The following DYNC1I1 variants were observed in gnomAD, a reference collection of about 807,000 sequenced individuals.
DYNC1I1 encodes dynein cytoplasmic 1 intermediate chain 1, also known as cytoplasmic dynein 1 intermediate chain 1.
Under a neutral mutation model 86.6 loss-of-function variants are expected in DYNC1I1, and 43 were observed. The ratio of observed to expected loss-of-function variants is 0.50; its 90% CI spans 0.39 to 0.64. The LOEUF (loss-of-function observed/expected upper bound fraction) is 0.64. Among genes scored for constraint, DYNC1I1 ranks in the 30% least tolerant of loss-of-function variants. DYNC1I1 has a pLI of 0.00. For synonymous variants in DYNC1I1, 262 were observed against 283.7 expected (o/e 0.92, Z 0.77); for missense variants, 604 against 788.8 (o/e 0.77, Z 2.81).
At chr7:96,016,038 A>C (rs1394274247) in intron 10 of DYNC1I1, among the ~76,000 whole-genome samples, 1 of 152,120 alleles carries the variant, frequency 6.6e-6, no homozygotes, top group African/African-American at 2.4e-5. Flanking sequence ...CAGATAGAAA[A>C]AGACAAATCT....
intron 6 of DYNC1I1, among the ~76,000 whole-genome samples, chr7:95,891,010 A>C (rs1790722960): frequency 6.6e-6 from 1 of 152,210 alleles, no homozygotes; most frequent in South Asian, 2.1e-4. Context: ...GTGTTTAAAG[A>C]TAGGGTCCTT....
intron 14 of DYNC1I1, among the ~76,000 whole-genome samples, chr7:96,066,201 T>A (rs954364531): frequency 3.9e-5 from 6 of 152,208 alleles, no homozygotes; most frequent in Middle Eastern, 3.4e-3. Flanking sequence ...CTTAACCAGG[T>A]TTTTGCATGT....
chr7:95,841,972 C>A (rs4146532), intron 5 of DYNC1I1, among the ~76,000 whole-genome samples: 2 of 152,108 alleles, frequency 1.3e-5, no homozygotes, highest in East Asian at 1.9e-4. Flanking sequence ...GTGCTGGGCC[C>A]CATTGGCTTC....
chr7:95,796,418 T>A (rs1361840693), intron 1 of DYNC1I1, among the ~76,000 whole-genome samples: 1 of 152,164 alleles, frequency 6.6e-6, no homozygotes, highest in African/African-American at 2.4e-5. Flanking sequence ...CAAGTGATTC[T>A]CCTGCCTCAG....
Position 95,985,992 on chromosome 7 carries a change from G to C in DYNC1I1, c.743+1015G>C, listed in dbSNP as rs140419456. Among the ~76,000 whole-genome samples, 466 of 148,006 alleles carry C rather than the reference G, an allele frequency of 3.1e-3. 1 individual carries two copies. Among genetic ancestry groups the C allele is most frequent in the Non-Finnish European group, 5.3e-3 (361 of 67,494 alleles). The stretch of plus-strand genomic sequence containing the variant: ...TGGTCCTATTTCCCTCTGTGTGCCT[G>C]GCTCAGTATTATCCTAGGCTCCTGG... On this transcript the variant is annotated intron_variant, in intron 8 of 16. Coordinates refer to ENST00000447467, the MANE Select transcript of DYNC1I1 (RefSeq NM_001135556.2).
At chr7:95,831,535 A>T (rs917958083) in intron 5 of DYNC1I1, among the ~76,000 whole-genome samples, 3 of 152,134 alleles carry the variant, frequency 2.0e-5, no homozygotes, top group African/African-American at 7.2e-5. Context: ...CAGAAAAGGG[A>T]CTGTTAGATA....
chr7:95,980,113 C>T (rs192178021), intron 7 of DYNC1I1, among the ~76,000 whole-genome samples: 4 of 152,210 alleles, frequency 2.6e-5, no homozygotes, highest in Admixed American at 6.5e-5. Flanking sequence ...AAGTTCCAAG[C>T]GAAAACACCC....
chr7:95,951,194 G>A (rs959724577), intron 6 of DYNC1I1, among the ~76,000 whole-genome samples: 3 of 152,164 alleles, frequency 2.0e-5, no homozygotes, highest in East Asian at 1.9e-4. Flanking sequence ...TTTCTTCAGC[G>A]AGGCTCCAGC....
At chr7:96,005,137 G>A (rs1018935422) in intron 10 of DYNC1I1, among the ~76,000 whole-genome samples, 6 of 152,080 alleles carry the variant, frequency 3.9e-5, no homozygotes, top group Non-Finnish European at 4.4e-5. Flanking sequence ...TATGGGATTC[G>A]ACAGCCAATT....
intron 6 of DYNC1I1, among the ~76,000 whole-genome samples, chr7:95,975,421 T>A (rs561847882): frequency 1.3e-5 from 2 of 152,288 alleles, no homozygotes; most frequent in East Asian, 3.9e-4. Context: ...CTCTTTGGTG[T>A]TCCTTGGCTT....
At chr7:96,074,212 C>T (rs766731676) in intron 14 of DYNC1I1, among the ~76,000 whole-genome samples, 1 of 152,178 alleles carries the variant, frequency 6.6e-6, no homozygotes, top group Non-Finnish European at 1.5e-5. Flanking sequence ...ACTATATCCA[C>T]ATAGTGGCCC....
intron 6 of DYNC1I1, among the ~76,000 whole-genome samples, chr7:95,955,708 C>T (rs781257660): frequency 1.3e-5 from 2 of 152,098 alleles, no homozygotes; most frequent in Non-Finnish European, 2.9e-5. Context: ...AAATTTCAAA[C>T]AGGACCAGCT....
chr7:95,893,558 G>C (rs1790800204), intron 6 of DYNC1I1, among the ~76,000 whole-genome samples: 1 of 152,144 alleles, frequency 6.6e-6, no homozygotes, highest in Non-Finnish European at 1.5e-5. Context: ...GGGCTTTATA[G>C]TCCCATAATT....
intron 10 of DYNC1I1, among the ~76,000 whole-genome samples, chr7:96,003,391 G>A (rs1794064276): frequency 6.6e-6 from 1 of 152,198 alleles, no homozygotes; most frequent in Non-Finnish European, 1.5e-5. Flanking sequence ...TGTAGGCTAT[G>A]AAGCAAGAAT....
Position 96,039,370 on chromosome 7 carries a change from C to T in DYNC1I1, c.1458C>T (p.His486=). 6.2e-7 allele frequency: 1 copy of T among 1,614,114 alleles called. No homozygotes were observed. The highest frequency in any genetic ancestry group is 8.5e-7 in the Non-Finnish European group (1 of 1,179,984). ...CAGTGGGCCCAATCGACTTTTCTCA[C>T]CTGTTTGTCACATCATCATTTGACT... ...HMAVGPIDFS[H]LFVTSSFDWT... is the part of the protein sequence containing the mutation. Residue 486 remains histidine (H), a synonymous_variant, in exon 14 of 17, where the codon CAC becomes CAT. Transcript: ENST00000447467.
intron 5 of DYNC1I1, among the ~76,000 whole-genome samples, chr7:95,847,954 A>C (rs751581906): frequency 9.9e-5 from 15 of 152,118 alleles, no homozygotes; most frequent in Non-Finnish European, 1.8e-4. Flanking sequence ...GGCTCTTATT[A>C]TATGCTACCT....
intron 5 of DYNC1I1, among the ~76,000 whole-genome samples, chr7:95,839,952 G>A (rs546496440): frequency 3.3e-4 from 50 of 152,122 alleles, no homozygotes; most frequent in African/African-American, 1.1e-3. Context: ...AGTCTTATGA[G>A]GGTTCTCAGG....
At chr7:96,045,679 G>A (rs111291431) in intron 14 of DYNC1I1, among the ~76,000 whole-genome samples, 102 of 152,110 alleles carry the variant, frequency 6.7e-4, no homozygotes, top group Non-Finnish European at 1.3e-3. Flanking sequence ...TGAGGTTAGG[G>A]CAGAGCTAGG....
intron 6 of DYNC1I1, among the ~76,000 whole-genome samples, chr7:95,966,872 G>C (rs1286750854): frequency 3.3e-5 from 5 of 152,224 alleles, no homozygotes; most frequent in Non-Finnish European, 7.3e-5. Flanking sequence ...CTCATAGTGG[G>C]TGCAGGGAGG....
Sources: allele counts gnomAD v4.1 joint callset (sites outside exome capture counted in the v4.1 genomes callset), GRCh38; gene constraint gnomAD v4.1.1; transcripts MANE v1.5; gene names NCBI Gene and HGNC (gene_info 2026-07-23, HGNC 2026-07-21).